Variants in SLC25A43 observed in about 807,000 individuals in gnomAD.
SLC25A43 encodes solute carrier family 25 member 43, also known as solute carrier family 25, member 43.
A neutral mutation model predicts 22.8 loss-of-function variants in SLC25A43; 10 were observed. The observed-to-expected ratio is 0.44, with a 90% CI of 0.27 to 0.74. The LOEUF (loss-of-function observed/expected upper bound fraction) is 0.74. Among genes scored for constraint, SLC25A43 ranks in the 30% least tolerant of loss-of-function variants. SLC25A43 has a pLI of 0.17. For synonymous variants in SLC25A43, 106 were observed against 121.6 expected, an observed-to-expected ratio of 0.87 and a Z score of 0.84; for missense variants, 233 against 279.1, an observed-to-expected ratio of 0.83 and a Z score of 1.18.
intron 3 of SLC25A43, among the ~76,000 whole-genome samples, chrX:119,441,523 G>C (rs2052622834): frequency 8.9e-6 from 1 of 111,929 alleles, no homozygotes. Context: ...CTCAGTTTTT[G>C]AGGATAAGAA....
chrX:119,441,951 C>T (rs2052626456), intron 3 of SLC25A43, among the ~76,000 whole-genome samples: 1 of 110,979 alleles, frequency 9.0e-6, no homozygotes, highest in African/African-American at 3.3e-5. Context: ...TTAGCCAGGC[C>T]TGGTGGTGCA....
At position 119,402,430 on chromosome X, in the gene SLC25A43, AC is replaced by A. The variant is rs1036234395; in HGVS notation, c.275+2759del. Among the ~76,000 whole-genome samples the A allele has an allele frequency of 1.2e-4, 13 of 108,862 alleles. No individual in the cohort carries two copies. In the South Asian group the frequency reaches 1.6e-3, roughly 14 times the overall value. 94.5% of individuals were successfully genotyped at this position (108,862 alleles called of 115,157 possible). On this transcript the variant is annotated intron_variant, in intron 1 of 4. Transcript: ENST00000217909. Reference sequence around the variant, plus strand: ...GGCTTTCAGATGTATCAAATAGAAGACCCCCCCGCCCTGGAACTTCACAACC... The same window carrying A: ...GGCTTTCAGATGTATCAAATAGAAGACCCCCCGCCCTGGAACTTCACAACC...
chrX:119,448,399 A>C (rs2052683007), intron 3 of SLC25A43, among the ~76,000 whole-genome samples: 1 of 111,478 alleles, frequency 9.0e-6, no homozygotes, highest in Non-Finnish European at 1.9e-5. Context: ...CCCAGTGACC[A>C]GTCTTCTCAG....
chrX:119,429,436 C>T (rs1156295879), intron 3 of SLC25A43, among the ~76,000 whole-genome samples: 2 of 112,132 alleles, frequency 1.8e-5, no homozygotes, highest in Non-Finnish European at 1.9e-5. Flanking sequence ...TGTTGGAAGA[C>T]CTCTGAGGAA....
At chrX:119,411,629 A>G (rs980203668) in intron 3 of SLC25A43, among the ~76,000 whole-genome samples, 1 of 111,928 alleles carries the variant, frequency 8.9e-6, no homozygotes, top group Non-Finnish European at 1.9e-5. Flanking sequence ...GAAAAATCAG[A>G]CTAGTTCAAA....
At chrX:119,415,585 C>T (rs937761588) in intron 3 of SLC25A43, among the ~76,000 whole-genome samples, 2 of 108,457 alleles carry the variant, frequency 1.8e-5, no homozygotes, top group African/African-American at 6.7e-5. Flanking sequence ...GTCCCAGCTA[C>T]TCAGGAGGCT....
At position 119,421,157 on chromosome X, in the gene SLC25A43, C is replaced by T. The variant is rs191766733; in HGVS notation, c.690+10795C>T. On this transcript the variant is annotated intron_variant, in intron 3 of 4. Transcript: ENST00000217909. The stretch of plus-strand genomic sequence containing the variant: ...AAAAAAAAAGCCTTCAAATGCATTC[C>T]GAGCCATCATGGCTTTCAAAAGCAT... Among the ~76,000 whole-genome samples the T allele has an allele frequency of 4.8e-3, 504 of 105,513 alleles. 1 individual carries two copies. Among genetic ancestry groups the T allele is most frequent in the Middle Eastern group, 0.014 (3 of 207 alleles). 91.6% of individuals were successfully genotyped at this position (105,513 alleles called of 115,157 possible).
intron 3 of SLC25A43, among the ~76,000 whole-genome samples, chrX:119,418,557 C>T (rs1222099161): frequency 8.9e-6 from 1 of 112,289 alleles, no homozygotes; most frequent in Non-Finnish European, 1.9e-5. Context: ...TTTAATGGCA[C>T]ATCAGGTTGG....
At chrX:119,418,357 AC>A (rs2052424152) in intron 3 of SLC25A43, among the ~76,000 whole-genome samples, 1 of 111,752 alleles carries the variant, frequency 8.9e-6, no homozygotes, top group Non-Finnish European at 1.9e-5. Context: ...TGACCTGAGC[AC>A]ACTTAATGGC....
rs969029400 is a variant in SLC25A43, at chrX:119,413,758, T to C, written c.690+3396T>C. 3.6e-5 allele frequency among the ~76,000 whole-genome samples: 4 copies of C among 110,923 alleles called. No homozygotes were observed. The East Asian group carries it at 1.1e-3, about 31-fold the overall frequency. On this transcript the variant is annotated intron_variant, in intron 3 of 4. Coordinates refer to ENST00000217909, the MANE Select transcript of SLC25A43 (RefSeq NM_145305.3). ...CTTTTTTCACTTATTATATAATGGG[T>C]ATTTCCCTGGGCCATTAAGTATTTA...
chrX:119,411,839 A>C (rs1194234252), intron 3 of SLC25A43, among the ~76,000 whole-genome samples: 1 of 111,869 alleles, frequency 8.9e-6, no homozygotes, highest in African/African-American at 3.2e-5. Flanking sequence ...CTACGTAACA[A>C]ACCTGCACAT....
intron 3 of SLC25A43, among the ~76,000 whole-genome samples, chrX:119,445,408 G>C (rs1411699482): frequency 8.9e-6 from 1 of 112,404 alleles, no homozygotes; most frequent in Admixed American, 9.5e-5. Flanking sequence ...TGGGGGTCAT[G>C]AGAAAAGCTA....
In SLC25A43 at chrX:119,454,004, G is replaced by C. The variant is rs999176539; in HGVS notation, c.*939G>C. The C allele has an allele frequency of 1.8e-5, 2 of 112,331 alleles. No homozygotes were observed. Among genetic ancestry groups the C allele is most frequent in the Non-Finnish European group, 3.8e-5 (2 of 53,188 alleles). 9.3% of individuals were successfully genotyped at this position (112,331 alleles called of 1,213,427 possible). A position where few individuals can be genotyped will look rare whatever the true frequency, so the allele number is the denominator to read the frequency against. On this transcript the variant is annotated 3_prime_UTR_variant, in exon 5 of 5. Coordinates refer to ENST00000217909, the MANE Select transcript of SLC25A43 (RefSeq NM_145305.3). The stretch of plus-strand genomic sequence containing the variant: ...CCCAGGCTTAAAATCTTGTGTTTCA[G>C]AAAGACAGTTTATACCATGACTGCT...
intron 4 of SLC25A43, among the ~76,000 whole-genome samples, chrX:119,452,501 A>C (rs867648535): frequency 1.7e-4 from 19 of 110,986 alleles, no homozygotes; most frequent in Middle Eastern, 9.3e-3. Context: ...ACAAAAAAAA[A>C]AAAAAACAAA....
At chrX:119,441,876 A>T (rs1330346270) in intron 3 of SLC25A43, among the ~76,000 whole-genome samples, 2 of 111,280 alleles carry the variant, frequency 1.8e-5, no homozygotes, top group Non-Finnish European at 3.8e-5. Flanking sequence ...GATCACATGA[A>T]GTCAGGAGTT....
At chrX:119,407,858 C>T (rs66682141) in intron 2 of SLC25A43, among the ~76,000 whole-genome samples, 12,364 of 110,491 alleles carry the variant, frequency 0.11, 548 homozygotes, top group African/African-American at 0.14. Flanking sequence ...TTCAACTTCT[C>T]CTCTCACTCC....
chrX:119,407,666 G>A (rs1446676528), intron 2 of SLC25A43, among the ~76,000 whole-genome samples: 1 of 110,773 alleles, frequency 9.0e-6, no homozygotes, highest in Non-Finnish European at 1.9e-5. Flanking sequence ...ATTCCCAATG[G>A]TAGTATGAGT....
chrX:119,427,241 C>A (rs1045693058), intron 3 of SLC25A43, among the ~76,000 whole-genome samples: 8 of 111,747 alleles, frequency 7.2e-5, no homozygotes, highest in African/African-American at 2.6e-4. Context: ...TTGGGTCTCC[C>A]CAACCCCCAC....
Position 119,453,111 on chromosome X carries a change from C to A in SLC25A43, c.*46C>A. On this transcript the variant is annotated 3_prime_UTR_variant, in exon 5 of 5. Coordinates refer to ENST00000217909, the MANE Select transcript of SLC25A43 (RefSeq NM_145305.3). ...GCACTGACTGACAGCATGTTGCAAT[C>A]ACAGATAAATGTAGCCTCATAACTG... 9.3e-7 allele frequency: 1 copy of A among 1,076,566 alleles called. No homozygotes were observed. Among genetic ancestry groups the A allele is most frequent in the Non-Finnish European group, 1.3e-6 (1 of 774,844 alleles). 88.7% of individuals were successfully genotyped at this position (1,076,566 alleles called of 1,213,427 possible).
Sources: allele counts gnomAD v4.1 joint callset (sites outside exome capture counted in the v4.1 genomes callset), GRCh38; gene constraint gnomAD v4.1.1; transcripts MANE v1.5; gene names NCBI Gene and HGNC (gene_info 2026-07-23, HGNC 2026-07-21).